The following IL4I1 variants were observed in gnomAD, a reference collection of about 807,000 sequenced individuals.
IL4I1 encodes L-amino-acid oxidase.
Under a neutral mutation model 29.7 loss-of-function variants are expected in IL4I1, and 24 were observed. The observed-to-expected ratio is 0.81, with a 90% CI of 0.59 to 1.14. The LOEUF is 1.14. IL4I1 is among the 50% of genes most tolerant of loss of function. The pLI is 0.00. For synonymous variants in IL4I1, 371 were observed against 352.5 expected, an observed-to-expected ratio of 1.05 and a Z score of -0.59; for missense variants, 686 against 785.6, an observed-to-expected ratio of 0.87 and a Z score of 1.52.
intron 7 of IL4I1, 43 bp downstream of exon 7, chr19:49,890,928 T>TGGGGGGGGGGGGGGGGGGGGG: frequency 1.6e-6 from 1 of 633,202 alleles, no homozygotes; most frequent in Non-Finnish European, 2.4e-6. Flanking sequence ...TTTCCCTGAT[T>TGGGGGGGGGGGGGGGGGGGGG]GCCCCCCGCC....
At chr19:49,915,349 T>A (rs995561713) in intron 2 of IL4I1, among the ~76,000 whole-genome samples, 7 of 152,050 alleles carry the variant, frequency 4.6e-5, no homozygotes, top group Admixed American at 4.6e-4. Context: ...GAGATGTGCC[T>A]ATGGAAGAAT....
At chr19:49,909,175 T>C in intron 2 of IL4I1, 1 of 1,613,474 alleles carries the variant, frequency 6.2e-7, no homozygotes, top group Non-Finnish European at 8.5e-7. Flanking sequence ...TGATGGTGGC[T>C]GTGGGTGTGG....
rs113175852 is a variant in IL4I1 at position 49,903,830 on chromosome 19, G to GTTTTTTTTTT, written c.-105+359_-105+368dup. Among the ~76,000 whole-genome samples the GTTTTTTTTTT allele has an allele frequency of 7.5e-5, 5 of 66,512 alleles. 1 individual carries two copies. The highest frequency in any genetic ancestry group is 2.5e-4 in the African/African-American group (4 of 15,694). 43.6% of individuals were successfully genotyped at this position (66,512 alleles called of 152,430 possible). On this transcript the variant is annotated intron_variant, in intron 3 of 9. Transcript: ENST00000341114. The stretch of plus-strand genomic sequence containing the variant: ...CATATTATACTGTTATATGTGCTGG[G>GTTTTTTTTTT]TTTTTTTTTTTTTTTTTTTTTTTTT...
At chr19:49,891,713 C>T (rs1420584921) in intron 5 of IL4I1, among the ~76,000 whole-genome samples, 1 of 152,264 alleles carries the variant, frequency 6.6e-6, no homozygotes, top group Non-Finnish European at 1.5e-5. Flanking sequence ...CCTCATTCGG[C>T]TGGCCCGGCT....
In IL4I1 at chr19:49,921,625, C is replaced by T. The variant is rs1011851173; in HGVS notation, c.-228+6069G>A. 6.6e-6 allele frequency among the ~76,000 whole-genome samples: 1 copy of T among 152,232 alleles called. No homozygotes were observed. Among genetic ancestry groups the T allele is most frequent in the Non-Finnish European group, 1.5e-5 (1 of 68,038 alleles). ...GAGTCTGCATCAAACTGGGCTAAGG[C>T]CTGGCGCTCTGATGGCCGCTGACCT... On this transcript the variant is annotated intron_variant, in intron 2 of 9. Coordinates refer to the IL4I1 transcript ENST00000341114. This position sits in a 1 kb window ranked among gnomAD's most constrained non-coding sequence, Gnocchi z 5.4.
At chr19:49,908,610 G>T (rs1415955005) in intron 2 of IL4I1, 1 of 1,613,698 alleles carries the variant, frequency 6.2e-7, no homozygotes, top group African/African-American at 1.3e-5. Context: ...AGCTCCTTCT[G>T]CTGGGACAGG....
intron 5 of IL4I1, among the ~76,000 whole-genome samples, chr19:49,894,035 T>C (rs954872286): frequency 1.3e-4 from 18 of 135,210 alleles, no homozygotes; most frequent in African/African-American, 4.8e-4. Flanking sequence ...AGATGACCCA[T>C]ATGTGTAGAA....
intron 2 of IL4I1, among the ~76,000 whole-genome samples, chr19:49,925,248 T>C (rs1405425145): frequency 6.7e-6 from 1 of 150,100 alleles, no homozygotes; most frequent in Non-Finnish European, 1.5e-5. Flanking sequence ...GCAACAAGAG[T>C]GAAACTCCGT....
upstream of IL4I1, among the ~76,000 whole-genome samples, chr19:49,899,568 T>C (rs2075252602): frequency 6.6e-6 from 1 of 151,270 alleles, no homozygotes; most frequent in Non-Finnish European, 1.5e-5. Flanking sequence ...TTTTGTTTTT[T>C]TTAATTGAGA....
chr19:49,917,685 C>G (rs1321373382), intron 2 of IL4I1: 1 of 152,296 alleles, frequency 6.6e-6, no homozygotes, highest in East Asian at 1.9e-4. Context: ...GCTTTCCTGT[C>G]CTGCTCTCTT....
chr19:49,909,374 G>A, intron 2 of IL4I1: 1 of 1,613,558 alleles, frequency 6.2e-7, no homozygotes, highest in Non-Finnish European at 8.5e-7. Flanking sequence ...AGAGGTGGTG[G>A]AGGGGCCAAA....
At chr19:49,926,438 G>A (rs957442904) in intron 2 of IL4I1, among the ~76,000 whole-genome samples, 4 of 152,174 alleles carry the variant, frequency 2.6e-5, no homozygotes, top group Non-Finnish European at 4.4e-5. Flanking sequence ...GCTGAGGCAG[G>A]AGAATTGCTT....
chr19:49,897,826 G>A (rs1847519087), upstream of IL4I1, among the ~76,000 whole-genome samples: 1 of 151,648 alleles, frequency 6.6e-6, no homozygotes, highest in Non-Finnish European at 1.5e-5. Context: ...TGCAGCAAGG[G>A]TTGGGTGGGG....
intron 2 of IL4I1, among the ~76,000 whole-genome samples, chr19:49,920,586 G>C (rs2075742056): frequency 6.6e-6 from 1 of 152,226 alleles, no homozygotes; most frequent in Admixed American, 6.5e-5. Flanking sequence ...GCCTCCATGA[G>C]GCTGTGGAGG....
chr19:49,928,347 C>T (rs1461041350), intron 1 of IL4I1: 1 of 152,138 alleles, frequency 6.6e-6, no homozygotes, highest in Non-Finnish European at 1.5e-5. Flanking sequence ...GAAACCCCGT[C>T]TCTACTAAAA....
At chr19:49,891,184 CCTGG>C in intron 6 of IL4I1, 77 bp from the exon 7 acceptor site, 1 of 1,562,238 alleles carries the variant, frequency 6.4e-7, no homozygotes, top group Admixed American at 1.8e-5. Context: ...AGCTGGGCCT[CCTGG>C]TCCCATGACA....
chr19:49,904,026 C>T (rs190266701), intron 3 of IL4I1, among the ~76,000 whole-genome samples: 13 of 151,760 alleles, frequency 8.6e-5, no homozygotes, highest in Non-Finnish European at 1.5e-4. Context: ...TTTGTAGAGA[C>T]GAGGTTTCGC....
chr19:49,914,589 ATGCGGAATCATCTGAATTCAGG>A (rs2075569869), intron 2 of IL4I1, among the ~76,000 whole-genome samples: 1 of 152,076 alleles, frequency 6.6e-6, no homozygotes, highest in South Asian at 2.1e-4. Context: ...TGGGATTCAG[ATGCGGAATCATCTGAATTCAGG>A]TGGGCATATC....
intron 2 of IL4I1, among the ~76,000 whole-genome samples, chr19:49,906,114 C>T (rs2075319332): frequency 2.0e-5 from 3 of 152,132 alleles, no homozygotes; most frequent in African/African-American, 7.2e-5. Context: ...GAGCATTGGG[C>T]CCGTGTCTTT....
Sources: allele counts gnomAD v4.1 joint callset (sites outside exome capture counted in the v4.1 genomes callset), GRCh38; gene constraint gnomAD v4.1.1; non-coding constraint Gnocchi (gnomAD v3.1); transcripts MANE v1.5; gene names NCBI Gene and HGNC (gene_info 2026-07-23, HGNC 2026-07-21).